The following CER1 variants were observed in gnomAD, a reference collection of about 807,000 sequenced individuals.
The protein encoded by CER1 is cerberus 1, DAN family BMP antagonist.
In CER1, 10 loss-of-function variants were observed where a neutral mutation model predicts 11.8. The ratio of observed to expected loss-of-function variants is 0.85; its 90% CI spans 0.52 to 1.44. The LOEUF is 1.44. Ranked by LOEUF, CER1 falls within the 40% of genes most tolerant of loss-of-function variation. The pLI is 0.00. For synonymous variants in CER1, 141 were observed against 122.3 expected (o/e 1.15, Z -1.01); for missense variants, 431 against 327.0 (o/e 1.32, Z -2.45).
downstream of CER1, among the ~76,000 whole-genome samples, chr9:14,719,553 G>GCATTCCTTCCTTCCTT (rs1252679801): frequency 4.0e-5 from 5 of 125,500 alleles, no homozygotes; most frequent in Non-Finnish European, 8.4e-5. Context: ...CTGCCTGCCT[G>GCATTCCTTCCTTCCTT]CCTGCCTGCC....
In CER1 at chr9:14,722,205, T is replaced by C. The variant is rs373587912; in HGVS notation, c.468A>G (p.Glu156=). 3.2e-5 allele frequency: 51 copies of C among 1,614,082 alleles called. No individual in the cohort carries two copies. The Middle Eastern group carries it at 6.6e-4, about 21-fold the overall frequency. The change falls in exon 1 of 2, where the codon GAA becomes GAG. Residue 156 remains glutamate, a synonymous_variant. Transcript: ENST00000380911. Reference sequence around the variant, plus strand: ...CTGTCCTGCAGGTCTCCCAATGTACTTCATGGCTTTTGATGGGCAAGATGA... The same window carrying C: ...CTGTCCTGCAGGTCTCCCAATGTACCTCATGGCTTTTGATGGGCAAGATGA... The part of the protein sequence containing the change: ...QGVILPIKSH[E]VHWETCRTVP...
chr9:14,719,557 GCCTGCCTT>G (rs1352032334), downstream of CER1, among the ~76,000 whole-genome samples: 10,836 of 73,816 alleles, frequency 0.15, 541 homozygotes, highest in East Asian at 0.27. Context: ...CTGCCTGCCT[GCCTGCCTT>G]CCTTCCTTCC....
Position 14,719,954 on chromosome 9 carries a change from T to A in CER1, c.*136A>T. 1.3e-6 allele frequency: 1 copy of A among 745,478 alleles called. No homozygotes were observed. Among genetic ancestry groups the A allele is most frequent in the Non-Finnish European group, 2.2e-6 (1 of 455,380 alleles). 46.2% of individuals were successfully genotyped at this position (745,478 alleles called of 1,614,324 possible). A position where few individuals can be genotyped will look rare whatever the true frequency, so the allele number is the denominator to read the frequency against. On this transcript the variant is annotated 3_prime_UTR_variant, in exon 2 of 2. Coordinates refer to ENST00000380911, the MANE Select transcript of CER1 (RefSeq NM_005454.3). ...AACTAGACTAATATCATTTCCTCTATCGTTCTAATTTAAAACTACGTTTCA... is the reference window on the plus strand; with the variant it reads ...AACTAGACTAATATCATTTCCTCTAACGTTCTAATTTAAAACTACGTTTCA...
rs1839981585 is a variant in CER1 at position 14,719,737 on chromosome 9, GA to G, written c.*352del. 1 of 200,992 alleles carries G rather than the reference GA, an allele frequency of 5.0e-6. No individual in the cohort carries two copies. The highest frequency in any genetic ancestry group is 2.3e-5 in the African/African-American group (1 of 44,170). The allele number at this position is 200,992 out of a possible 1,614,324, so 12.5% of individuals were successfully genotyped here. ...CTCGCTTATTTCTTTTCCTTCTTTA[GA>G]TGGAGGGCTTTTACCCAAACTTGGA... On this transcript the variant is annotated 3_prime_UTR_variant, in exon 2 of 2. Coordinates refer to ENST00000380911, the MANE Select transcript of CER1 (RefSeq NM_005454.3).
chr9:14,717,422 TA>T (rs1394688952), downstream of CER1, among the ~76,000 whole-genome samples: 1 of 152,164 alleles, frequency 6.6e-6, no homozygotes, highest in Non-Finnish European at 1.5e-5. Context: ...AAAACAAATT[TA>T]AAAAATAGAA....
At chr9:14,718,002 T>C (rs1383220256), downstream of CER1, among the ~76,000 whole-genome samples, 1 of 152,210 alleles carries the variant, frequency 6.6e-6, no homozygotes, top group Non-Finnish European at 1.5e-5. Flanking sequence ...CTTGGTTTCT[T>C]ACAGTCTTAC....
At position 14,722,557 on chromosome 9, in the gene CER1, T is replaced by C. The variant is rs1414610908; in HGVS notation, c.116A>G (p.Gln39Arg). ...ATGGTTGCCTGTGGGAAGCTCTCTTTGATTCCTTGGCAGGAGTACGGGGGA... is the reference window on the plus strand; with the variant it reads ...ATGGTTGCCTGTGGGAAGCTCTCTTCGATTCCTTGGCAGGAGTACGGGGGA... ...SLSPVLLPRN[Q>R]RELPTGNHEE... Residue 39 changes from glutamine to arginine, a missense_variant, in exon 1 of 2, where the codon CAA becomes CGA. By Grantham distance (43) the Gln-to-Arg change is conservative. Coordinates refer to ENST00000380911, the MANE Select transcript of CER1 (RefSeq NM_005454.3). 1.9e-6 allele frequency: 3 copies of C among 1,614,044 alleles called. No homozygotes were observed. The East Asian group carries it at 6.7e-5, about 36-fold the overall frequency.
intron 1 of CER1, 50 bp downstream of exon 1, chr9:14,722,116 G>C: frequency 6.4e-7 from 1 of 1,569,398 alleles, no homozygotes; most frequent in Non-Finnish European, 8.6e-7. Context: ...CATCCCAGCT[G>C]TCCACTACCA....
chr9:14,720,851 C>A (rs1839999333), intron 1 of CER1, among the ~76,000 whole-genome samples: 1 of 152,140 alleles, frequency 6.6e-6, no homozygotes, highest in Admixed American at 6.5e-5. Context: ...TTCTGCAAGA[C>A]CTGTAGTACA....
At chr9:14,719,553 G>GCATTCCTTCCTT (rs1252679801), downstream of CER1, among the ~76,000 whole-genome samples, 44 of 125,574 alleles carry the variant, frequency 3.5e-4, no homozygotes, top group Admixed American at 1.3e-3. Flanking sequence ...CTGCCTGCCT[G>GCATTCCTTCCTT]CCTGCCTGCC....
At position 14,722,376 on chromosome 9, in the gene CER1, G is replaced by A. The variant is rs369290434; in HGVS notation, c.297C>T (p.Asp99=). Residue 99 remains aspartate (D), a synonymous_variant, in exon 1 of 2, where the codon GAC becomes GAT. Coordinates refer to ENST00000380911, the MANE Select transcript of CER1 (RefSeq NM_005454.3). ...CAGGTGGGAAGGGCTCACTATCTGA[G>A]TCCCTGGATGGATGCATTTCTCTCT... ...KPEREMHPSR[D]SDSEPFPPGT... is the part of the protein sequence containing the mutation. 5 of 1,614,102 alleles carry A rather than the reference G, an allele frequency of 3.1e-6. No individual in the cohort carries two copies. Among genetic ancestry groups the A allele is most frequent in the Non-Finnish European group, 4.2e-6 (5 of 1,180,044 alleles).
chr9:14,722,107 A>G, intron 1 of CER1, 59 bp downstream of exon 1: 5 of 1,548,458 alleles, frequency 3.2e-6, no homozygotes, highest in Non-Finnish European at 4.4e-6. Flanking sequence ...CTCTCCATCC[A>G]TCCCAGCTGT....
chr9:14,720,857 G>A (rs1204711510), intron 1 of CER1, among the ~76,000 whole-genome samples: 1 of 152,124 alleles, frequency 6.6e-6, no homozygotes, highest in South Asian at 2.1e-4. Flanking sequence ...AAGACCTGTA[G>A]TACATTCAAG....
At chr9:14,720,627 A>C (rs1839996265) in intron 1 of CER1, among the ~76,000 whole-genome samples, 1 of 152,200 alleles carries the variant, frequency 6.6e-6, no homozygotes, top group Non-Finnish European at 1.5e-5. Context: ...TAACATAAAA[A>C]ATATTTTACT....
chr9:14,722,708 AG>A lies in CER1; in HGVS notation c.-37del. 3.2e-6 allele frequency: 5 copies of A among 1,558,124 alleles called. No homozygotes were observed. The highest frequency in any genetic ancestry group is 4.3e-6 in the Non-Finnish European group (5 of 1,164,098). On this transcript the variant is annotated 5_prime_UTR_variant, in exon 1 of 2. It introduces an in-frame stop codon into an upstream open reading frame of the 5' UTR. Coordinates refer to ENST00000380911, the MANE Select transcript of CER1 (RefSeq NM_005454.3). ...GCCCAAGCTTCTTTTGTAAATGATG[AG>A]GCCCAAAGGAGAGGCTCATTCTCTG...
intron 1 of CER1, among the ~76,000 whole-genome samples, chr9:14,721,022 A>G (rs537277074): frequency 6.6e-6 from 1 of 152,342 alleles, no homozygotes; most frequent in South Asian, 2.1e-4. Flanking sequence ...TTAATTAGCA[A>G]TAGAATTCAA....
downstream of CER1, among the ~76,000 whole-genome samples, chr9:14,718,274 T>C (rs1262378713): frequency 6.6e-6 from 1 of 152,180 alleles, no homozygotes; most frequent in Non-Finnish European, 1.5e-5. Flanking sequence ...AGAAGGACAG[T>C]CCAATTGGCA....
At position 14,722,617 on chromosome 9, in the gene CER1, C is replaced by T. The variant is rs750138291; in HGVS notation, c.56G>A (p.Arg19Gln). 30 of 1,608,262 alleles carry T rather than the reference C, an allele frequency of 1.9e-5. No homozygotes were observed. In the Admixed American group the frequency reaches 2.7e-4, roughly 14 times the overall value. ...LVLLPLGKTTRHQDGRQNQSS... is the reference protein window; with the variant it reads ...LVLLPLGKTTQHQDGRQNQSS... ...CTGATTCTGGCGGCCATCCTGGTGC[C>T]GTGTGGTCTTTCCTAGAGGCAGGAG... is the stretch of plus-strand genomic sequence containing the variant. Residue 19 changes from arginine to glutamine, a missense_variant, in exon 1 of 2, where the codon CGG becomes CAG. By Grantham distance (43) the Arg-to-Gln change is conservative. Coordinates refer to ENST00000380911, the MANE Select transcript of CER1 (RefSeq NM_005454.3).
intron 1 of CER1, among the ~76,000 whole-genome samples, chr9:14,721,755 T>G (rs866347276): frequency 2.6e-5 from 4 of 152,276 alleles, no homozygotes; most frequent in South Asian, 4.1e-4. Context: ...GACCTGCTCA[T>G]CCACATATTA....
Sources: gnomAD v4.1 joint callset for allele counts (sites outside exome capture counted in the v4.1 genomes callset) on GRCh38, gnomAD v4.1.1 for gene constraint, MANE v1.5 for transcripts, NCBI Gene and HGNC (gene_info 2026-07-23, HGNC 2026-07-21) for gene names.